Variants in MOB4 observed in about 807,000 individuals in gnomAD.
The protein encoded by MOB4 is MOB-like protein phocein.
In MOB4, 4 loss-of-function variants were observed where a neutral mutation model predicts 32.2. The ratio of observed to expected loss-of-function variants is 0.12; its 90% CI spans 0.06 to 0.28. The LOEUF (loss-of-function observed/expected upper bound fraction) is 0.28. Ranked by LOEUF, MOB4 falls within the 10% of genes least tolerant of loss-of-function variation. The probability of loss-of-function intolerance (pLI) is 1.00; values close to 1 mark genes in which losing one functional copy is unlikely to be tolerated. For missense variants in MOB4, 158 were observed against 271.2 expected (o/e 0.58, Z 2.93); for synonymous variants, 88 against 88.1 (o/e 1.00, Z 0.01).
chr2:197,521,504 A>G (rs900095836), intron 1 of MOB4, among the ~76,000 whole-genome samples: 1 of 152,152 alleles, frequency 6.6e-6, no homozygotes. Flanking sequence ...TTTGAGAGCA[A>G]CCGGTCTGAC....
intron 1 of MOB4, among the ~76,000 whole-genome samples, chr2:197,521,506 C>A (rs567838100): frequency 2.0e-5 from 3 of 152,110 alleles, no homozygotes; most frequent in Non-Finnish European, 4.4e-5. Context: ...TGAGAGCAAC[C>A]GGTCTGACCA....
intron 6 of MOB4, among the ~76,000 whole-genome samples, chr2:197,549,875 A>AAAAAG (rs1204134365): frequency 6.6e-6 from 1 of 151,422 alleles, no homozygotes. Flanking sequence ...AAAAAAAAAA[A>AAAAAG]AAAAGAAAAG....
At chr2:197,546,733 T>G (rs1171575155) in intron 5 of MOB4, among the ~76,000 whole-genome samples, 2 of 152,186 alleles carry the variant, frequency 1.3e-5, no homozygotes, top group African/African-American at 2.4e-5. Flanking sequence ...TGGCTTGCAT[T>G]ATACAGTTGA....
At chr2:197,547,102 G>T (rs554119904) in intron 5 of MOB4, among the ~76,000 whole-genome samples, 1 of 151,976 alleles carries the variant, frequency 6.6e-6, no homozygotes, top group African/African-American at 2.4e-5. Flanking sequence ...AAAGAAAATC[G>T]TAAGGAAGAG....
rs573507195 is a variant in MOB4 at position 197,549,859 on chromosome 2, TAAAAAAAAAAAA to T, written c.435-407_435-396del. Among the ~76,000 whole-genome samples, 3 of 85,110 alleles carry T rather than the reference TAAAAAAAAAAAA, an allele frequency of 3.5e-5. No individual in the cohort carries two copies. In the South Asian group the frequency reaches 1.2e-3, roughly 35 times the overall value. 55.8% of individuals were successfully genotyped at this position (85,110 alleles called of 152,430 possible). A position where few individuals can be genotyped will look rare whatever the true frequency, so the allele number is the denominator to read the frequency against. On this transcript the variant is annotated intron_variant, in intron 6 of 7. Transcript: ENST00000323303. ...AGCCACCACACCTGGCCTTAATTTC[TAAAAAAAAAAAA>T]AAAAAAAAGAAAAGAAAAGGAAAGA...
intron 2 of MOB4, among the ~76,000 whole-genome samples, chr2:197,526,445 T>C (rs13387168): frequency 0.021 from 3,233 of 152,244 alleles, 120 homozygotes; most frequent in African/African-American, 0.074. Context: ...GCCTCCTGAA[T>C]AGCTGGGATT....
intron 2 of MOB4, among the ~76,000 whole-genome samples, chr2:197,525,830 G>A (rs2086603176): frequency 6.6e-6 from 1 of 152,090 alleles, no homozygotes; most frequent in Non-Finnish European, 1.5e-5. Context: ...CCTAGATCTA[G>A]CTCTATGCCT....
intron 2 of MOB4, among the ~76,000 whole-genome samples, chr2:197,534,536 G>C (rs1189068163): frequency 6.6e-6 from 1 of 151,852 alleles, no homozygotes; most frequent in Non-Finnish European, 1.5e-5. Flanking sequence ...TAATTTTAAA[G>C]CTTTTTTGTT....
chr2:197,548,918 A>G (rs1488767843), intron 6 of MOB4, among the ~76,000 whole-genome samples: 1 of 152,098 alleles, frequency 6.6e-6, no homozygotes, highest in Non-Finnish European at 1.5e-5. Flanking sequence ...ACCTCCCTTT[A>G]TGTAGTATGC....
chr2:197,539,039 G>GT (rs901804441), intron 3 of MOB4, among the ~76,000 whole-genome samples: 3 of 151,766 alleles, frequency 2.0e-5, no homozygotes, highest in African/African-American at 7.2e-5. Context: ...CATATATCCT[G>GT]TTTTTTTCTT....
chr2:197,540,647 A>G (rs1445118561), intron 5 of MOB4, among the ~76,000 whole-genome samples: 2 of 152,260 alleles, frequency 1.3e-5, no homozygotes, highest in Non-Finnish European at 2.9e-5. Flanking sequence ...TACATGGGCT[A>G]GAACTCACTT....
chr2:197,548,625 T>C (rs1254726811), intron 6 of MOB4, among the ~76,000 whole-genome samples: 5 of 152,048 alleles, frequency 3.3e-5, no homozygotes, highest in African/African-American at 1.2e-4. Flanking sequence ...AAAGTATAAA[T>C]AATAATAAAA....
intron 1 of MOB4, among the ~76,000 whole-genome samples, chr2:197,522,095 T>G (rs2086530272): frequency 6.6e-6 from 1 of 152,210 alleles, no homozygotes; most frequent in South Asian, 2.1e-4. Context: ...TAAATGTCCA[T>G]GAAATCTTCA....
chr2:197,544,707 C>G (rs1216264102), intron 5 of MOB4, among the ~76,000 whole-genome samples: 1 of 149,818 alleles, frequency 6.7e-6, no homozygotes, highest in African/African-American at 2.5e-5. Context: ...GAGTGGAGAT[C>G]ACATCACTGC....
At chr2:197,532,058 G>A (rs986667325) in intron 2 of MOB4, among the ~76,000 whole-genome samples, 1 of 151,784 alleles carries the variant, frequency 6.6e-6, no homozygotes, top group African/African-American at 2.4e-5. Context: ...ACAGGCGTGT[G>A]CTACCATGCC....
intron 2 of MOB4, among the ~76,000 whole-genome samples, chr2:197,528,666 A>G (rs577479574): frequency 7.2e-6 from 1 of 138,920 alleles, no homozygotes; most frequent in Admixed American, 7.8e-5. Context: ...CCCAGGCTGG[A>G]GTGCAGTGGC....
Position 197,550,638 on chromosome 2 carries a change from G to A in MOB4, c.670G>A (p.Glu224Lys), listed in dbSNP as rs768471095. The A allele has an allele frequency of 1.8e-5, 28 of 1,596,282 alleles. No homozygotes were observed. The highest frequency in any genetic ancestry group is 2.4e-5 in the Non-Finnish European group (28 of 1,175,118). Residue 224 changes from glutamate (E) to lysine (K), a missense_variant, in exon 8 of 8, where the codon GAA becomes AAA. By Grantham distance (56) the Glu-to-Lys change is moderately conservative (BLOSUM62 1). Around this residue, in one of 6 missense-constraint regions of MOB4, gnomAD observed 45 missense variants for 65.6 expected, o/e 0.69. Coordinates refer to ENST00000323303, the MANE Select transcript of MOB4 (RefSeq NM_015387.5). Reference protein sequence around the residue: ...EVQNSVSGESEA With the variant: ...EVQNSVSGESKA ...ACAGAATTCAGTTTCTGGGGAAAGT[G>A]AAGCATGAAGGGAATCATAGGAAAA...
At chr2:197,530,613 C>A (rs2086684882) in intron 2 of MOB4, among the ~76,000 whole-genome samples, 1 of 151,900 alleles carries the variant, frequency 6.6e-6, no homozygotes, top group Non-Finnish European at 1.5e-5. Flanking sequence ...CTCCTGGCTT[C>A]TTTAGTGGTG....
intron 5 of MOB4, 25 bp from the exon 6 acceptor site, chr2:197,548,311 C>A: frequency 6.4e-7 from 1 of 1,573,062 alleles, no homozygotes; most frequent in Non-Finnish European, 8.7e-7. Flanking sequence ...TTTGTTGATG[C>A]ATTTCTATAT....
Sources: gnomAD v4.1 joint callset for allele counts (sites outside exome capture counted in the v4.1 genomes callset) on GRCh38, gnomAD v4.1.1 for gene constraint, gnomAD v4.1.1 regional missense constraint, MANE v1.5 for transcripts, NCBI Gene and HGNC (gene_info 2026-07-23, HGNC 2026-07-21) for gene names.